Variants in PALLD observed in about 807,000 individuals in gnomAD.
PALLD encodes the protein palladin, cytoskeletal associated protein.
Under a neutral mutation model 123.5 loss-of-function variants are expected in PALLD, and 61 were observed. The observed-to-expected ratio is 0.49, with a 90% confidence interval of 0.40 to 0.61. PALLD has a LOEUF of 0.61. Ranked by LOEUF, PALLD falls within the 20% of genes least tolerant of loss-of-function variation. The pLI is 0.00. For synonymous variants in PALLD, 465 were observed against 496.4 expected (o/e 0.94, Z 0.84); for missense variants, 1,273 against 1,377.0 (o/e 0.92, Z 1.20).
At chr4:168,499,240 GAA>G in intron 1 of PALLD, among the ~76,000 whole-genome samples, 2 of 129,126 alleles carry the variant, frequency 1.5e-5, no homozygotes, top group Non-Finnish European at 3.2e-5. Context: ...GGGGAAGAAG[GAA>G]GGGAGAAGGG....
chr4:168,787,843 G>A (rs1410282308), intron 10 of PALLD, among the ~76,000 whole-genome samples: 2 of 152,090 alleles, frequency 1.3e-5, no homozygotes, highest in Admixed American at 6.6e-5. Context: ...TGTCAGCACC[G>A]GCTCGAGAGA....
At chr4:168,884,155 C>G (rs1056124899) in intron 10 of PALLD, among the ~76,000 whole-genome samples, 1 of 152,196 alleles carries the variant, frequency 6.6e-6, no homozygotes, top group African/African-American at 2.4e-5. Context: ...TTTCTTTCCT[C>G]ATGCCTCCCC....
In PALLD at chr4:168,740,779, G is replaced by C. The variant is rs528208628; in HGVS notation, c.1964+28856G>C. Reference sequence around the variant, plus strand: ...CTTCTCTTTGAATAGATTTTCTACTGCCAGTTATATGAAATGGATATAAAT... The same window carrying C: ...CTTCTCTTTGAATAGATTTTCTACTCCCAGTTATATGAAATGGATATAAAT... On this transcript the variant is annotated intron_variant, in intron 10 of 21. Coordinates refer to ENST00000505667, the MANE Select transcript of PALLD (RefSeq NM_001166108.2). Among the ~76,000 whole-genome samples the C allele has an allele frequency of 5.9e-5, 9 of 152,288 alleles. No homozygotes were observed. In the East Asian group the frequency reaches 1.7e-3, roughly 29 times the overall value.
chr4:168,641,582 A>C (rs1776951391), intron 2 of PALLD, among the ~76,000 whole-genome samples: 1 of 151,060 alleles, frequency 6.6e-6, no homozygotes, highest in African/African-American at 2.4e-5. Context: ...GACGCATTGA[A>C]CTCCTCTCTT....
At chr4:168,539,318 G>A (rs1330546835) in intron 2 of PALLD, among the ~76,000 whole-genome samples, 1 of 152,138 alleles carries the variant, frequency 6.6e-6, no homozygotes. Context: ...GCCCGGGCGC[G>A]GTGGCTCACG....
At chr4:168,774,298 A>AT (rs948089652) in intron 10 of PALLD, among the ~76,000 whole-genome samples, 38 of 152,046 alleles carry the variant, frequency 2.5e-4, no homozygotes, top group Non-Finnish European at 2.9e-4. Flanking sequence ...ATCCTTGTGG[A>AT]TTTTTTTCAT....
chr4:168,913,442 C>T (rs747901030), intron 15 of PALLD, among the ~76,000 whole-genome samples: 25 of 151,922 alleles, frequency 1.6e-4, no homozygotes, highest in Non-Finnish European at 4.4e-5. Context: ...CGGCCAGCCA[C>T]TAACATTTAA....
chr4:168,523,150 A>C (rs1300417607), intron 2 of PALLD, among the ~76,000 whole-genome samples: 4 of 151,598 alleles, frequency 2.6e-5, no homozygotes, highest in African/African-American at 9.7e-5. Context: ...ATTTCTAATG[A>C]AATTGAAAAC....
intron 2 of PALLD, among the ~76,000 whole-genome samples, chr4:168,646,032 C>T (rs1777413661): frequency 6.6e-6 from 1 of 152,216 alleles, no homozygotes; most frequent in East Asian, 1.9e-4. Flanking sequence ...ATTTGCTATT[C>T]TAAGAAGAAA....
intron 10 of PALLD, among the ~76,000 whole-genome samples, chr4:168,888,901 A>AG (rs911464223): frequency 1.5e-4 from 23 of 152,288 alleles, no homozygotes; most frequent in African/African-American, 5.1e-4. Context: ...CACAGGCCTC[A>AG]GGAGTGCATG....
At chr4:168,701,665 A>C (rs781475705) in intron 8 of PALLD, among the ~76,000 whole-genome samples, 21 of 152,212 alleles carry the variant, frequency 1.4e-4, no homozygotes, top group Non-Finnish European at 2.5e-4. Context: ...TTATAGTTGA[A>C]GCATCCTCAG....
At chr4:168,715,719 G>C (rs761071544) in intron 10 of PALLD, among the ~76,000 whole-genome samples, 11 of 152,172 alleles carry the variant, frequency 7.2e-5, no homozygotes, top group Non-Finnish European at 1.5e-4. Context: ...GGAAGGCCAA[G>C]GTGGGCGGAT....
At chr4:168,713,942 GTTTTTTTTTTTTTTTTTT>G (rs34942776) in intron 10 of PALLD, among the ~76,000 whole-genome samples, 1 of 54,700 alleles carries the variant, frequency 1.8e-5, no homozygotes. Context: ...TTTTCCCATT[GTTTTTTTTTTTTTTTTTT>G]TTTTTTTTCA....
At chr4:168,688,316 C>G (rs1267693271) in intron 6 of PALLD, among the ~76,000 whole-genome samples, 2 of 152,170 alleles carry the variant, frequency 1.3e-5, no homozygotes, top group Non-Finnish European at 2.9e-5. Context: ...GAAGAGATTC[C>G]TAGGTCTCAC....
chr4:168,675,370 C>G (rs1780729828), intron 3 of PALLD, among the ~76,000 whole-genome samples: 1 of 152,116 alleles, frequency 6.6e-6, no homozygotes, highest in Admixed American at 6.5e-5. Flanking sequence ...AATGTGTGCC[C>G]CTTTGAAGTG....
chr4:168,871,975 A>T (rs1242362856), intron 10 of PALLD, among the ~76,000 whole-genome samples: 1 of 152,212 alleles, frequency 6.6e-6, no homozygotes, highest in Admixed American at 6.5e-5. Context: ...TAGATGAGAC[A>T]TCTCAACATC....
chr4:168,561,350 G>A (rs763795007), intron 2 of PALLD, among the ~76,000 whole-genome samples: 26 of 151,956 alleles, frequency 1.7e-4, no homozygotes, highest in Non-Finnish European at 3.4e-4. Flanking sequence ...TAGCCTCCAC[G>A]TTCTAGGGTT....
chr4:168,803,537 T>C (rs1030503207), intron 10 of PALLD, among the ~76,000 whole-genome samples: 2 of 151,888 alleles, frequency 1.3e-5, no homozygotes, highest in African/African-American at 4.8e-5. Flanking sequence ...ATCAAAAAAA[T>C]TAGCTGGGCT....
chr4:168,560,466 C>T (rs1767754865), intron 2 of PALLD, among the ~76,000 whole-genome samples: 1 of 152,168 alleles, frequency 6.6e-6, no homozygotes, highest in Non-Finnish European at 1.5e-5. Flanking sequence ...ATAATTTGAA[C>T]CAGACAGATT....
Sources: gnomAD v4.1 joint callset for allele counts (sites outside exome capture counted in the v4.1 genomes callset) on GRCh38, gnomAD v4.1.1 for gene constraint, MANE v1.5 for transcripts, NCBI Gene and HGNC (gene_info 2026-07-23, HGNC 2026-07-21) for gene names.